ZYX: variants seen among roughly 807,000 people sequenced by gnomAD.
ZYX encodes zyxin-2.
Under a neutral mutation model 58.1 loss-of-function variants are expected in ZYX, and 37 were observed. The ratio of observed to expected loss-of-function variants is 0.64; its 90% confidence interval spans 0.49 to 0.84. The LOEUF (loss-of-function observed/expected upper bound fraction) is 0.84, where lower values mean the gene tolerates loss of function less well. ZYX is among the 40% of genes least tolerant of loss of function. The probability of loss-of-function intolerance (pLI) is 0.00; values close to 1 mark genes in which losing one functional copy is unlikely to be tolerated. For missense variants in ZYX, 762 were observed against 761.6 expected (o/e 1.00, Z -0.01); for synonymous variants, 324 against 321.1 (o/e 1.01, Z -0.10).
In ZYX at chr7:143,382,881, A is replaced by G; in HGVS notation, c.582A>G (p.Thr194=). ...GTACCAAGCCTGCAGCCGGGGGCACAGCACCCCTGCCTCCTTGGAAGTCCC... is the reference window on the plus strand; with the variant it reads ...GTACCAAGCCTGCAGCCGGGGGCACGGCACCCCTGCCTCCTTGGAAGTCCC... ...KSSTKPAAGG[T]APLPPWKSPS... is the part of the protein sequence containing the mutation. The change falls in exon 5 of 10, where the codon ACA becomes ACG. Residue 194 remains threonine, a synonymous_variant. Transcript: ENST00000322764. The G allele has an allele frequency of 6.2e-7, 1 of 1,613,554 alleles. No homozygotes were observed. Among genetic ancestry groups the G allele is most frequent in the Non-Finnish European group, 8.5e-7 (1 of 1,179,792 alleles).
intron 5 of ZYX, among the ~76,000 whole-genome samples, chr7:143,386,030 G>A (rs962283587): frequency 6.7e-6 from 1 of 148,360 alleles, no homozygotes; most frequent in Non-Finnish European, 1.5e-5. Flanking sequence ...TGGTATATGT[G>A]TGAGTGTATG....
Position 143,382,850 on chromosome 7 carries a change from A to T in ZYX, c.551A>T (p.Lys184Met). 6.2e-7 allele frequency: 1 copy of T among 1,610,558 alleles called. No individual in the cohort carries two copies. The highest frequency in any genetic ancestry group is 8.5e-7 in the Non-Finnish European group (1 of 1,178,300). ...PPPVATPFSS[K>M]SSTKPAAGGT... ...CCAGTGGCCACTCCATTCAGTTCCA[A>T]GTCCAGTACCAAGCCTGCAGCCGGG... The change falls in exon 5 of 10, where the codon AAG becomes ATG. Residue 184 changes from lysine (K) to methionine (M), a missense_variant. Coordinates refer to ENST00000322764, the MANE Select transcript of ZYX (RefSeq NM_003461.5).
chr7:143,381,888 C>A, intron 2 of ZYX, 109 bp downstream of exon 2: 1 of 1,111,672 alleles, frequency 9.0e-7, no homozygotes, highest in Non-Finnish European at 1.2e-6. Context: ...GGGCTGGGCG[C>A]AGCCACCCTG....
Position 143,389,807 on chromosome 7 carries a change from C to T in ZYX, c.1494-50C>T, listed in dbSNP as rs373469131. ...CAACCTGGCTTATGCGTGCGCACAC[C>T]GGGGATGAAAGCCCTGGCTAACTCG... On this transcript the variant is annotated intron_variant, in intron 8 of 9. Coordinates refer to ENST00000322764, the MANE Select transcript of ZYX (RefSeq NM_003461.5). This position sits in a 1 kb window ranked among gnomAD's most constrained non-coding sequence, Gnocchi z 5.6. The T allele has an allele frequency of 1.6e-5, 26 of 1,606,968 alleles. No individual in the cohort carries two copies. The highest frequency in any genetic ancestry group is 1.7e-4 in the Middle Eastern group (1 of 5,954).
At chr7:143,382,080 T>C in intron 2 of ZYX, 168 bp from the exon 3 acceptor site, 1 of 640,510 alleles carries the variant, frequency 1.6e-6, no homozygotes. Context: ...GCGCCCGGCC[T>C]TTCCTGACCT....
intron 3 of ZYX, 24 bp from the exon 4 acceptor site, chr7:143,382,569 G>A (rs1378083495): frequency 6.2e-7 from 1 of 1,612,566 alleles, no homozygotes; most frequent in Middle Eastern, 1.7e-4. Flanking sequence ...CATGGAATAG[G>A]TGCTCTGACC....
Position 143,381,357 on chromosome 7 carries a change from G to A in ZYX, c.-68G>A. 8.7e-7 allele frequency: 1 copy of A among 1,154,594 alleles called. No homozygotes were observed. Among genetic ancestry groups the A allele is most frequent in the Non-Finnish European group, 1.1e-6 (1 of 935,950 alleles). 71.5% of individuals were successfully genotyped at this position (1,154,594 alleles called of 1,614,324 possible). A position where few individuals can be genotyped will look rare whatever the true frequency, so the allele number is the denominator to read the frequency against. ...TCCGGACCGGGACGCAGAGTCTGCG[G>A]ACCCGGCGCCGAGGCGGCCACCCGA... On this transcript the variant is annotated 5_prime_UTR_variant, in exon 1 of 10. Transcript: ENST00000322764.
In ZYX at chr7:143,388,879, C is replaced by T. The variant is rs1364561406; in HGVS notation, c.1427C>T (p.Pro476Leu). ...HCFTCVVCAR[P>L]LEGTSFIVDQ... ...TTCACCTGTGTGGTCTGCGCCCGCC[C>T]CCTGGAGGGCACCTCCTTCATCGTG... is the stretch of plus-strand genomic sequence containing the variant. The change falls in exon 8 of 10, where the codon CCC becomes CTC. Residue 476 changes from proline to leucine, a missense_variant. Pro to Leu is a moderately conservative substitution (Grantham distance 98, BLOSUM62 -3). Transcript: ENST00000322764. The surrounding 1 kb of genome is among the most constrained non-coding windows in gnomAD (Gnocchi z 7.5). The T allele has an allele frequency of 1.2e-6, 2 of 1,613,796 alleles. No homozygotes were observed. Among genetic ancestry groups the T allele is most frequent in the Admixed American group, 1.7e-5 (1 of 60,016 alleles).
At chr7:143,382,758 GTCC>G (rs761274783) in intron 4 of ZYX, 40 bp from the exon 5 acceptor site, 1 of 1,612,936 alleles carries the variant, frequency 6.2e-7, no homozygotes, top group East Asian at 2.2e-5. Flanking sequence ...GGAGGATGGT[GTCC>G]TCCTGACTGC....
chr7:143,389,946 AG>A lies in ZYX; in HGVS notation c.1584del (p.Asn529ThrfsTer4). ...ACTGTGCGAGTGGTCGCCCTGGACA[AG>A]AACTTCCACATGAAGTGTTACAAGT... Reference protein sequence around the residue: ...DETVRVVALDKNFHMKCYKCE... With the variant: ...DETVRVVALDXNFHMKCYKCE... On this transcript the variant is annotated frameshift_variant, in exon 9 of 10. Transcript: ENST00000322764. LOFTEE classifies it high-confidence loss of function. The surrounding 1 kb of genome is among the most constrained non-coding windows in gnomAD (Gnocchi z 5.6). The A allele has an allele frequency of 6.2e-7, 1 of 1,614,152 alleles. No individual in the cohort carries two copies. Among genetic ancestry groups the A allele is most frequent in the Non-Finnish European group, 8.5e-7 (1 of 1,179,992 alleles).
chr7:143,381,497 G>C, intron 1 of ZYX, 60 bp from the exon 2 acceptor site: 1 of 1,505,254 alleles, frequency 6.6e-7, no homozygotes, highest in Non-Finnish European at 8.9e-7. Context: ...AAGGGGAGCT[G>C]GGACCGCCTG....
rs182461710 is a variant in ZYX, at chr7:143,390,722, T to C, written c.*40T>C. 1.7e-4 allele frequency: 255 copies of C among 1,464,616 alleles called. No individual in the cohort carries two copies. The African/African-American group carries it at 3.2e-3, about 18-fold the overall frequency. 90.7% of individuals were successfully genotyped at this position (1,464,616 alleles called of 1,614,324 possible). On this transcript the variant is annotated 3_prime_UTR_variant, in exon 10 of 10. Transcript: ENST00000322764. The surrounding 1 kb of genome is among the most constrained non-coding windows in gnomAD (Gnocchi z 4.3). ...TCTTCAGACCGCAGTCCATGCCCCA[T>C]TGTGGACCACCCACACTGAGACCAC... is the stretch of plus-strand genomic sequence containing the variant.
In ZYX at chr7:143,382,678, A is replaced by T. The variant is rs971750280; in HGVS notation, c.494A>T (p.Lys165Ile). The change falls in exon 4 of 10, where the codon AAA becomes ATA. Residue 165 changes from lysine to isoleucine, a missense_variant. Physicochemically the swap from Lys to Ile is moderately radical, Grantham distance 102. Coordinates refer to ENST00000322764, the MANE Select transcript of ZYX (RefSeq NM_003461.5). ...LDDMTKNDPF[K>I]ARVSSGYVPP... Reference sequence around the variant, plus strand: ...GACATGACCAAGAATGATCCTTTCAAAGCCCGGGTAAGGGACCGGAGAGTA... The same window carrying T: ...GACATGACCAAGAATGATCCTTTCATAGCCCGGGTAAGGGACCGGAGAGTA... 4 of 1,614,104 alleles carry T rather than the reference A, an allele frequency of 2.5e-6. No individual in the cohort carries two copies. The highest frequency in any genetic ancestry group is 3.4e-6 in the Non-Finnish European group (4 of 1,179,980).
At chr7:143,381,975 C>T (rs925725675) in intron 2 of ZYX, 196 bp downstream of exon 2, 2 of 642,064 alleles carry the variant, frequency 3.1e-6, no homozygotes, top group Admixed American at 3.2e-5. Context: ...CCAAGTCCCC[C>T]GCCTGGGAGT....
At position 143,390,452 on chromosome 7, in the gene ZYX, C is replaced by T. The variant is rs774906340; in HGVS notation, c.1615-126C>T. ...GGGAGTTGGGTGTGGCTGGAAAAAG[C>T]GATGACACCAGCTCTGAGCCATGAA... On this transcript the variant is annotated intron_variant, in intron 9 of 9. Transcript: ENST00000322764. The surrounding 1 kb of genome is among the most constrained non-coding windows in gnomAD (Gnocchi z 4.3). 63 of 718,782 alleles carry T rather than the reference C, an allele frequency of 8.8e-5. No individual in the cohort carries two copies. The highest frequency in any genetic ancestry group is 4.8e-4 in the African/African-American group (27 of 56,670). 44.5% of individuals were successfully genotyped at this position (718,782 alleles called of 1,614,324 possible). A position where few individuals can be genotyped will look rare whatever the true frequency, so the allele number is the denominator to read the frequency against.
chr7:143,381,378 C>G lies in ZYX; in HGVS notation c.-47C>G. On this transcript the variant is annotated 5_prime_UTR_variant, in exon 1 of 10. Coordinates refer to ENST00000322764, the MANE Select transcript of ZYX (RefSeq NM_003461.5). ...TGCGGACCCGGCGCCGAGGCGGCCA[C>G]CCGAGACGCGGCGCGCACGCTCCGG... is the stretch of plus-strand genomic sequence containing the variant. 8.5e-7 allele frequency: 1 copy of G among 1,175,428 alleles called. No individual in the cohort carries two copies. Among genetic ancestry groups the G allele is most frequent in the Non-Finnish European group, 1.1e-6 (1 of 949,944 alleles). 72.8% of individuals were successfully genotyped at this position (1,175,428 alleles called of 1,614,324 possible).
chr7:143,388,333 G>T lies in ZYX; in HGVS notation c.1138G>T (p.Val380Phe). Residue 380 changes from valine (V) to phenylalanine (F), a missense_variant, in exon 6 of 10, where the codon GTC (valine) becomes TTC (phenylalanine). Transcript: ENST00000322764. This position sits in a 1 kb window ranked among gnomAD's most constrained non-coding sequence, Gnocchi z 7.5. ...MEHPQRQNVA[V>F]NELCGRCHQP... ...GCATCCTCAGAGGCAGAATGTGGCT[G>T]TCAACGGTGAGCCCACCCCACCGGG... 6.2e-7 allele frequency: 1 copy of T among 1,613,798 alleles called. No individual in the cohort carries two copies.
Position 143,381,408 on chromosome 7 carries a change from C to T in ZYX, c.-17C>T. The T allele has an allele frequency of 8.2e-7, 1 of 1,225,390 alleles. No homozygotes were observed. The allele number at this position is 1,225,390 out of a possible 1,614,324, so 75.9% of individuals were successfully genotyped here. ...GACGCGGCGCGCACGCTCCGGCCTG[C>T]GGTGAGGCGCGGGGAGCGGCAGGGC... On this transcript the variant is annotated splice_region_variant and 5_prime_UTR_variant, in exon 1 of 10. Coordinates refer to ENST00000322764, the MANE Select transcript of ZYX (RefSeq NM_003461.5).
Position 143,382,951 on chromosome 7 carries a change from A to G in ZYX, c.652A>G (p.Ser218Gly), listed in dbSNP as rs1804694936. The change falls in exon 5 of 10, where the codon AGC becomes GGC. Residue 218 changes from serine (S) to glycine (G), a missense_variant. Ser to Gly is a moderately conservative substitution (Grantham distance 56). Coordinates refer to ENST00000322764, the MANE Select transcript of ZYX (RefSeq NM_003461.5). ...PLPQVPAPAQ[S>G]QTQFHVQPQP... The stretch of plus-strand genomic sequence containing the variant: ...GCCCCAGGTTCCGGCTCCGGCTCAG[A>G]GCCAGACACAGTTCCATGTTCAGCC... 2 of 1,613,730 alleles carry G rather than the reference A, an allele frequency of 1.2e-6. No homozygotes were observed. Among genetic ancestry groups the G allele is most frequent in the Non-Finnish European group, 1.7e-6 (2 of 1,179,876 alleles).
Sources: gnomAD v4.1 joint callset for allele counts (sites outside exome capture counted in the v4.1 genomes callset) on GRCh38, gnomAD v4.1.1 for gene constraint, Gnocchi (gnomAD v3.1) non-coding constraint, MANE v1.5 for transcripts, NCBI Gene and HGNC (gene_info 2026-07-23, HGNC 2026-07-21) for gene names.